Variants in FNBP4 observed in about 807,000 individuals in gnomAD.
FNBP4 encodes formin binding protein 4.
In FNBP4, 34 loss-of-function variants were observed where a neutral mutation model predicts 119.3. The ratio of observed to expected loss-of-function variants is 0.28; its 90% confidence interval spans 0.22 to 0.38. The LOEUF (loss-of-function observed/expected upper bound fraction) is 0.38, where lower values mean the gene tolerates loss of function less well. Among genes scored for constraint, FNBP4 ranks in the 10% least tolerant of loss-of-function variants. The pLI, the probability that FNBP4 is intolerant of heterozygous loss-of-function variation, is 1.00. For synonymous variants in FNBP4, 462 were observed against 430.6 expected, an observed-to-expected ratio of 1.07 and a Z score of -0.90; for missense variants, 1,112 against 1,228.9, an observed-to-expected ratio of 0.90 and a Z score of 1.42.
rs1168190800 is a variant in FNBP4 at position 47,717,897 on chromosome 11, C to A, written c.2964-385G>T. Among the ~76,000 whole-genome samples, 28 of 150,964 alleles carry A rather than the reference C, an allele frequency of 1.9e-4. No individual in the cohort carries two copies. The Admixed American group carries it at 1.9e-3, about 10-fold the overall frequency. ...CCCTCAGAGTAGCTGGGATTACAGG[C>A]ATGTGCAACCATGCCTGGCTAATTT... On this transcript the variant is annotated intron_variant, in intron 16 of 16. Coordinates refer to ENST00000263773, the MANE Select transcript of FNBP4 (RefSeq NM_015308.5).
chr11:47,750,071 A>G (rs1203088190), intron 6 of FNBP4, among the ~76,000 whole-genome samples: 2 of 151,980 alleles, frequency 1.3e-5, no homozygotes, highest in Non-Finnish European at 2.9e-5. Context: ...GTGATACCCT[A>G]AAGCTCTCAA....
chr11:47,751,225 T>C lies in FNBP4; in HGVS notation c.703A>G (p.Asn235Asp), dbSNP rs1489646578. 6.2e-7 allele frequency: 1 copy of C among 1,614,024 alleles called. No homozygotes were observed. The highest frequency in any genetic ancestry group is 8.5e-7 in the Non-Finnish European group (1 of 1,180,034). ...CAAGTCACTTCATTTGTTTGTGTAT[T>C]CCAATAATAATAACATCCCGTGTTC... ...DENTGCYYYW[N>D]TQTNEVTWEL... The change falls in exon 5 of 17, where the codon AAT becomes GAT. Residue 235 changes from asparagine (N) to aspartate (D), a missense_variant. By Grantham distance (23) the Asn-to-Asp change is conservative. Coordinates refer to ENST00000263773, the MANE Select transcript of FNBP4 (RefSeq NM_015308.5).
intron 6 of FNBP4, among the ~76,000 whole-genome samples, chr11:47,750,613 C>T (rs1205289623): frequency 3.1e-5 from 4 of 128,718 alleles, no homozygotes; most frequent in Admixed American, 9.6e-5. Context: ...GGTGTGAACC[C>T]GGGAGGTGGA....
At chr11:47,766,937 C>T in intron 1 of FNBP4, 132 bp downstream of exon 1, 1 of 1,363,570 alleles carries the variant, frequency 7.3e-7, no homozygotes, top group Non-Finnish European at 9.4e-7. Flanking sequence ...GGCCGCCCCG[C>T]CTGCAGGCCC....
intron 2 of FNBP4, among the ~76,000 whole-genome samples, chr11:47,760,514 C>T (rs2097631714): frequency 6.6e-6 from 1 of 151,668 alleles, no homozygotes; most frequent in African/African-American, 2.4e-5. Flanking sequence ...TCACTGCAAC[C>T]TCTGCCTCCC....
At chr11:47,749,646 G>A (rs2097597920) in intron 6 of FNBP4, among the ~76,000 whole-genome samples, 2 of 152,096 alleles carry the variant, frequency 1.3e-5, no homozygotes. Flanking sequence ...CACTCCCTAA[G>A]GAATACAACT....
intron 3 of FNBP4, among the ~76,000 whole-genome samples, chr11:47,754,092 CTA>C (rs1222234821): frequency 4.0e-5 from 6 of 151,790 alleles, no homozygotes; most frequent in African/African-American, 1.5e-4. Context: ...GTAGCCCCAG[CTA>C]CTCGGGTGCA....
chr11:47,717,326 A>G lies in FNBP4; in HGVS notation c.*96T>C, dbSNP rs1171749128. 2.6e-6 allele frequency: 2 copies of G among 782,878 alleles called. No individual in the cohort carries two copies. Among genetic ancestry groups the G allele is most frequent in the African/African-American group, 1.7e-5 (1 of 57,196 alleles). 48.5% of individuals were successfully genotyped at this position (782,878 alleles called of 1,614,324 possible). On this transcript the variant is annotated 3_prime_UTR_variant, in exon 17 of 17. Coordinates refer to ENST00000263773, the MANE Select transcript of FNBP4 (RefSeq NM_015308.5). ...CCAGGAAATTTATAAGATCTCCCCCATAACATTTATAGTTTATTTGACAAT... is the reference window on the plus strand; with the variant it reads ...CCAGGAAATTTATAAGATCTCCCCCGTAACATTTATAGTTTATTTGACAAT...
chr11:47,757,849 G>A (rs2097623085), intron 2 of FNBP4, among the ~76,000 whole-genome samples: 2 of 149,406 alleles, frequency 1.3e-5, no homozygotes. Flanking sequence ...AAGAGATACG[G>A]TCTTGCTCTA....
chr11:47,734,976 A>ACCC (rs1420586266), intron 9 of FNBP4, among the ~76,000 whole-genome samples: 4 of 119,416 alleles, frequency 3.3e-5, no homozygotes, highest in African/African-American at 1.4e-4. Context: ...CATCACCCCA[A>ACCC]CACCCCCCCC....
chr11:47,723,436 A>C, intron 14 of FNBP4, 120 bp from the exon 15 acceptor site: 1 of 1,451,378 alleles, frequency 6.9e-7, no homozygotes, highest in Admixed American at 2.5e-5. Context: ...CCTTTTCTAA[A>C]AAGCATAGCC....
rs367636165 is a variant in FNBP4, at chr11:47,718,167, A to G, written c.2964-655T>C. On this transcript the variant is annotated intron_variant, in intron 16 of 16. Transcript: ENST00000263773. ...CACAGGAGTTATGATTCTTCAGGGC[A>G]GATATATCTAATCCTCAGTCTACCA... Among the ~76,000 whole-genome samples the G allele has an allele frequency of 6.6e-5, 10 of 152,190 alleles. 1 individual carries two copies. In the East Asian group the frequency reaches 1.7e-3, roughly 26 times the overall value.
At chr11:47,731,891 T>G in intron 11 of FNBP4, 11 of 1,028,380 alleles carry the variant, frequency 1.1e-5, no homozygotes, top group Non-Finnish European at 1.3e-5. Flanking sequence ...CTCAATCGCC[T>G]AGAACACTAA....
chr11:47,736,648 T>C lies in FNBP4; in HGVS notation c.1549A>G (p.Thr517Ala). The change falls in exon 9 of 17, where the codon ACA becomes GCA. Residue 517 changes from threonine (T) to alanine (A), a missense_variant. Transcript: ENST00000263773. Reference protein sequence around the residue: ...ESPEKIKVQTTPKVEEEQDLK... With the variant: ...ESPEKIKVQTAPKVEEEQDLK... ...TCCTGTTCTTCTTCTACTTTTGGTG[T>C]TGTCTGTACTTTTATTTTCTCTGGA... 1 of 1,601,530 alleles carries C rather than the reference T, an allele frequency of 6.2e-7. No individual in the cohort carries two copies.
intron 9 of FNBP4, among the ~76,000 whole-genome samples, chr11:47,735,819 C>G (rs1364736264): frequency 6.6e-6 from 1 of 152,066 alleles, no homozygotes. Context: ...GTGGCTCATG[C>G]CTGTAATCCC....
intron 9 of FNBP4, among the ~76,000 whole-genome samples, chr11:47,735,828 C>T (rs546516910): frequency 1.3e-5 from 2 of 151,966 alleles, no homozygotes; most frequent in Non-Finnish European, 2.9e-5. Context: ...GCCTGTAATC[C>T]CAGCACTTTG....
chr11:47,754,517 G>C lies in FNBP4; in HGVS notation c.450+11C>G. ...TCAGTAACTAAAACTCCAAACGAAAGCACCACTAACCGCTAGGAAGTTGGC... is the reference window on the plus strand; with the variant it reads ...TCAGTAACTAAAACTCCAAACGAAACCACCACTAACCGCTAGGAAGTTGGC... On this transcript the variant is annotated intron_variant, in intron 3 of 16. Coordinates refer to ENST00000263773, the MANE Select transcript of FNBP4 (RefSeq NM_015308.5). 6.2e-7 allele frequency: 1 copy of C among 1,610,302 alleles called. No individual in the cohort carries two copies. Among genetic ancestry groups the C allele is most frequent in the Non-Finnish European group, 8.5e-7 (1 of 1,178,742 alleles).
intron 12 of FNBP4, chr11:47,729,132 A>G: frequency 4.1e-6 from 4 of 982,780 alleles, no homozygotes; most frequent in Non-Finnish European, 4.8e-6. Flanking sequence ...GATTACAGGC[A>G]TGAGCCACTG....
intron 12 of FNBP4, chr11:47,729,635 A>C (rs1031882645): frequency 4.2e-6 from 4 of 956,520 alleles, no homozygotes; most frequent in Admixed American, 1.2e-4. Context: ...TCAACCTCCC[A>C]AACAGCTCGG....
Sources: allele counts gnomAD v4.1 joint callset (sites outside exome capture counted in the v4.1 genomes callset), GRCh38; gene constraint gnomAD v4.1.1; transcripts MANE v1.5; gene names NCBI Gene and HGNC (gene_info 2026-07-23, HGNC 2026-07-21).